The following SLC6A15 variants were observed in gnomAD, a reference collection of about 807,000 sequenced individuals.
SLC6A15 encodes the protein solute carrier family 6 member 15, also known as sodium-dependent neutral amino acid transporter B(0)AT2.
In SLC6A15, 33 loss-of-function variants were observed where a neutral mutation model predicts 68.5. The observed-to-expected ratio is 0.48, with a 90% CI of 0.37 to 0.64. The LOEUF (loss-of-function observed/expected upper bound fraction) is 0.64. Ranked by LOEUF, SLC6A15 falls within the 30% of genes least tolerant of loss-of-function variation. The probability of loss-of-function intolerance (pLI) is 0.00; values close to 1 mark genes in which losing one functional copy is unlikely to be tolerated. For missense variants in SLC6A15, 747 were observed against 874.3 expected (o/e 0.85, Z 1.84); for synonymous variants, 347 against 301.0 (o/e 1.15, Z -1.58).
intron 1 of SLC6A15, among the ~76,000 whole-genome samples, chr12:84,905,064 G>T (rs1873074343): frequency 6.6e-6 from 1 of 152,068 alleles, no homozygotes; most frequent in South Asian, 2.1e-4. Context: ...TTCATTTTAT[G>T]AAAGCAGTAT....
intron 1 of SLC6A15, among the ~76,000 whole-genome samples, chr12:84,909,781 A>G (rs1284697845): frequency 2.0e-5 from 3 of 152,186 alleles, no homozygotes; most frequent in South Asian, 4.1e-4. Context: ...GATAGCCACC[A>G]AGCTCTCTTT....
At chr12:84,912,472 G>C (rs1873523071) in intron 1 of SLC6A15, 51 bp downstream of exon 1, 1 of 152,658 alleles carries the variant, frequency 6.6e-6, no homozygotes, top group Non-Finnish European at 1.5e-5. Context: ...GGCTAATGGC[G>C]AGCCCCACCT....
intron 1 of SLC6A15, among the ~76,000 whole-genome samples, chr12:84,909,134 C>T (rs77549224): frequency 0.04 from 6,111 of 152,190 alleles, 385 homozygotes; most frequent in African/African-American, 0.13. Context: ...ATTTGCACTA[C>T]CACCAGCAAT....
At chr12:84,870,435 G>A (rs1280270731) in intron 9 of SLC6A15, 43 bp downstream of exon 9, 13 of 1,363,950 alleles carry the variant, frequency 9.5e-6, no homozygotes, top group African/African-American at 4.4e-5. Flanking sequence ...AGAATAAAAT[G>A]GCCTGGATTT....
At chr12:84,887,493 T>A (rs539016961) in intron 2 of SLC6A15, among the ~76,000 whole-genome samples, 48 of 152,206 alleles carry the variant, frequency 3.2e-4, no homozygotes, top group Non-Finnish European at 5.9e-4. Context: ...ATGACTGATT[T>A]TCAGTCTTTC....
In SLC6A15 at chr12:84,863,465, C is replaced by G. The variant is rs776516278; in HGVS notation, c.1792G>C (p.Gly598Arg). 2 of 1,583,086 alleles carry G rather than the reference C, an allele frequency of 1.3e-6. No homozygotes were observed. Among genetic ancestry groups the G allele is most frequent in the Non-Finnish European group, 1.7e-6 (2 of 1,169,406 alleles). Residue 598 changes from glycine to arginine, a missense_variant, in exon 11 of 12, where the codon GGC becomes CGC. Coordinates refer to ENST00000266682, the MANE Select transcript of SLC6A15 (RefSeq NM_182767.6). Reference sequence around the variant, plus strand: ...TTATCTTCAATCCATGCGTTATAGCCAGGAGGACTTAATCCCATATTCACA... The same window carrying G: ...TTATCTTCAATCCATGCGTTATAGCGAGGAGGACTTAATCCCATATTCACA... Reference protein sequence around the residue: ...SVVNMGLSPPGYNAWIEDKAS... With the variant: ...SVVNMGLSPPRYNAWIEDKAS...
At chr12:84,872,852 T>C in intron 7 of SLC6A15, 58 bp from the exon 8 acceptor site, 1 of 1,363,808 alleles carries the variant, frequency 7.3e-7, no homozygotes, top group Non-Finnish European at 1.0e-6. Context: ...GTATAGTTTG[T>C]GAACGACTAT....
intron 1 of SLC6A15, among the ~76,000 whole-genome samples, chr12:84,892,654 C>T (rs1463268): frequency 0.027 from 4,050 of 152,040 alleles, 192 homozygotes; most frequent in African/African-American, 0.093. Flanking sequence ...CTTATATATC[C>T]CTGATTTTGT....
chr12:84,907,509 G>A (rs1049287470), intron 1 of SLC6A15, among the ~76,000 whole-genome samples: 1 of 152,134 alleles, frequency 6.6e-6, no homozygotes. Context: ...AATACTATGA[G>A]ATGTTGCTAT....
At chr12:84,893,138 A>C (rs1025118936) in intron 1 of SLC6A15, among the ~76,000 whole-genome samples, 1 of 152,170 alleles carries the variant, frequency 6.6e-6, no homozygotes, top group Non-Finnish European at 1.5e-5. Context: ...ACAATAATCA[A>C]TGAAACGTAC....
chr12:84,883,342 T>C (rs1871919647), intron 5 of SLC6A15: 1 of 989,416 alleles, frequency 1.0e-6, no homozygotes, highest in African/African-American at 1.7e-5. Flanking sequence ...TCTGAATTCC[T>C]TGTTGGAATT....
At chr12:84,885,859 T>C in intron 3 of SLC6A15, 52 bp downstream of exon 3, 1 of 1,492,306 alleles carries the variant, frequency 6.7e-7, no homozygotes, top group Non-Finnish European at 9.0e-7. Flanking sequence ...GTTAATTATA[T>C]AATTTGAAAC....
At chr12:84,888,180 G>A (rs138115825) in intron 2 of SLC6A15, among the ~76,000 whole-genome samples, 1 of 148,538 alleles carries the variant, frequency 6.7e-6, no homozygotes, top group East Asian at 2.0e-4. Flanking sequence ...ACTGACTCTT[G>A]AGTCCAGAGA....
rs557360752 is a variant in SLC6A15 at position 84,863,007 on chromosome 12, T to C, written c.1818+432A>G. 7.2e-5 allele frequency among the ~76,000 whole-genome samples: 11 copies of C among 152,290 alleles called. No homozygotes were observed. In the East Asian group the frequency reaches 1.9e-3, roughly 27 times the overall value. ...GGATTCTCTGTGTTGCACAGGCTGC[T>C]CTCAAGCTGCTGGCCTCAAGTGATG... is the stretch of plus-strand genomic sequence containing the variant. On this transcript the variant is annotated intron_variant, in intron 11 of 11. Coordinates refer to ENST00000266682, the MANE Select transcript of SLC6A15 (RefSeq NM_182767.6).
chr12:84,912,369 C>T (rs906697129), intron 1 of SLC6A15, among the ~76,000 whole-genome samples, 154 bp downstream of exon 1: 5 of 152,106 alleles, frequency 3.3e-5, no homozygotes, highest in Admixed American at 6.5e-5. Context: ...GGCTTTTGAG[C>T]TGCCCTCCCT....
In SLC6A15 at chr12:84,883,387, G is replaced by A. The variant is rs2120633157; in HGVS notation, c.756+472C>T. On this transcript the variant is annotated intron_variant, in intron 5 of 11. Transcript: ENST00000266682. Reference sequence around the variant, plus strand: ...TACTTAATGATGTTCAGAGCTTTAAGAAACACTTCACATTACATTATTTCA... The same window carrying A: ...TACTTAATGATGTTCAGAGCTTTAAAAAACACTTCACATTACATTATTTCA... 3 of 1,014,152 alleles carry A rather than the reference G, an allele frequency of 3.0e-6. No homozygotes were observed. In the South Asian group the frequency reaches 1.2e-4, roughly 41 times the overall value. The allele number at this position is 1,014,152 out of a possible 1,614,324, so 62.8% of individuals were successfully genotyped here.
intron 1 of SLC6A15, among the ~76,000 whole-genome samples, chr12:84,911,065 A>T (rs1873426457): frequency 6.6e-6 from 1 of 152,102 alleles, no homozygotes; most frequent in Non-Finnish European, 1.5e-5. Context: ...GGCGCCTAAG[A>T]CATAAATAGG....
chr12:84,905,662 A>T (rs906752749), intron 1 of SLC6A15, among the ~76,000 whole-genome samples: 5 of 152,206 alleles, frequency 3.3e-5, no homozygotes, highest in Non-Finnish European at 7.3e-5. Context: ...TCCCACATTC[A>T]TCTGTGGGTC....
At chr12:84,881,576 T>C in intron 5 of SLC6A15, 1 of 985,432 alleles carries the variant, frequency 1.0e-6, no homozygotes, top group Non-Finnish European at 1.2e-6. Context: ...TTTTAATTCA[T>C]GCAGTTTCCA....
Sources: allele counts gnomAD v4.1 joint callset (sites outside exome capture counted in the v4.1 genomes callset), GRCh38; gene constraint gnomAD v4.1.1; transcripts MANE v1.5; gene names NCBI Gene and HGNC (gene_info 2026-07-23, HGNC 2026-07-21).